EYS: variants seen among roughly 807,000 people sequenced by gnomAD.
EYS encodes EGF-like photoreceptor maintenance factor, also known as protein eyes shut homolog.
A neutral mutation model predicts 282.1 loss-of-function variants in EYS; 250 were observed. The observed-to-expected ratio is 0.89, with a 90% CI of 0.80 to 0.98. The LOEUF is 0.98. Among genes scored for constraint, EYS ranks in the 50% least tolerant of loss-of-function variants. The probability of loss-of-function intolerance (pLI) is 0.00; values close to 1 mark genes in which losing one functional copy is unlikely to be tolerated. For synonymous variants in EYS, 1,355 were observed against 1,282.9 expected (o/e 1.06, Z -1.20); for missense variants, 4,016 against 3,709.0 (o/e 1.08, Z -2.15).
At chr6:64,894,881 T>C (rs1468060813) in intron 18 of EYS, among the ~76,000 whole-genome samples, 1 of 152,152 alleles carries the variant, frequency 6.6e-6, no homozygotes, top group East Asian at 1.9e-4. Context: ...ATTTTGTTTT[T>C]TTTTACCCAC....
chr6:64,106,229 A>C (rs1174633525), intron 31 of EYS, among the ~76,000 whole-genome samples: 2 of 151,954 alleles, frequency 1.3e-5, no homozygotes, highest in Non-Finnish European at 2.9e-5. Flanking sequence ...ACTTTTTTTA[A>C]AAAAACTTTT....
intron 12 of EYS, among the ~76,000 whole-genome samples, chr6:65,195,687 C>A (rs1388010507): frequency 6.6e-6 from 1 of 151,940 alleles, no homozygotes; most frequent in African/African-American, 2.4e-5. Context: ...AGCAATTTTT[C>A]ATTTTACTTG....
intron 22 of EYS, among the ~76,000 whole-genome samples, chr6:64,731,554 G>A (rs1771967490): frequency 1.3e-5 from 2 of 152,042 alleles, no homozygotes; most frequent in African/African-American, 4.8e-5. Flanking sequence ...ACAAACATAT[G>A]AAAAAAAGCT....
chr6:64,396,068 AT>A (rs1773363469), intron 28 of EYS, among the ~76,000 whole-genome samples: 1 of 152,098 alleles, frequency 6.6e-6, no homozygotes, highest in South Asian at 2.1e-4. Context: ...ATGCACACAC[AT>A]GCACAGACAC....
intron 1 of EYS, among the ~76,000 whole-genome samples, chr6:65,644,097 T>A (rs1029870584): frequency 6.6e-6 from 1 of 151,906 alleles, no homozygotes; most frequent in East Asian, 1.9e-4. Flanking sequence ...CAGAAAAAAA[T>A]TCAGAAGGTT....
chr6:64,314,500 A>G (rs757313660), intron 29 of EYS, among the ~76,000 whole-genome samples: 3 of 151,504 alleles, frequency 2.0e-5, no homozygotes, highest in Non-Finnish European at 4.4e-5. Flanking sequence ...GCACCACATC[A>G]CACTTATTCT....
At chr6:65,422,248 T>C (rs941601392) in intron 5 of EYS, among the ~76,000 whole-genome samples, 7 of 151,902 alleles carry the variant, frequency 4.6e-5, no homozygotes, top group African/African-American at 1.7e-4. Context: ...TTTTAGAGCA[T>C]GGAAAATAAA....
At chr6:64,050,087 A>T (rs1025048252) in intron 33 of EYS, among the ~76,000 whole-genome samples, 10 of 152,302 alleles carry the variant, frequency 6.6e-5, no homozygotes, top group African/African-American at 2.4e-4. Context: ...AACACTTTTT[A>T]AAACATGTTA....
At chr6:65,129,546 A>G (rs1418408568) in intron 12 of EYS, among the ~76,000 whole-genome samples, 6 of 152,106 alleles carry the variant, frequency 3.9e-5, no homozygotes, top group Non-Finnish European at 7.4e-5. Context: ...CTAGTAGCCA[A>G]CAAACATAAA....
At chr6:64,366,229 C>T (rs569361192) in intron 29 of EYS, among the ~76,000 whole-genome samples, 56 of 152,100 alleles carry the variant, frequency 3.7e-4, no homozygotes, top group Non-Finnish European at 5.4e-4. Flanking sequence ...TTTTAGGACT[C>T]CCCAAATAGT....
chr6:64,137,229 G>A (rs796671162), intron 31 of EYS, among the ~76,000 whole-genome samples: 15 of 152,020 alleles, frequency 9.9e-5, no homozygotes, highest in South Asian at 6.2e-4. Flanking sequence ...AGAGTTAGGC[G>A]TTGCTCTGGA....
chr6:63,994,075 A>G (rs1021909737), intron 34 of EYS, among the ~76,000 whole-genome samples: 26 of 152,122 alleles, frequency 1.7e-4, no homozygotes, highest in Admixed American at 1.5e-3. Context: ...AAAACTGGCT[A>G]TTCACATGCA....
rs904942366 is a variant in EYS at position 64,812,221 on chromosome 6, G to A, written c.3443+1157C>T. On this transcript the variant is annotated intron_variant, in intron 22 of 42. Transcript: ENST00000503581. ...AAAGTATGTTCAAAACACAAGATAC[G>A]AGAAAGAAGGATTTAAAATACACAC... 1.2e-4 allele frequency among the ~76,000 whole-genome samples: 18 copies of A among 146,068 alleles called. No homozygotes were observed. In the South Asian group the frequency reaches 3.1e-3, roughly 25 times the overall value.
At chr6:65,589,759 T>A (rs77280686) in intron 2 of EYS, among the ~76,000 whole-genome samples, 2,347 of 152,070 alleles carry the variant, frequency 0.015, 58 homozygotes, top group African/African-American at 0.054. Context: ...AAACACTTTC[T>A]CTGAATGTAG....
intron 29 of EYS, among the ~76,000 whole-genome samples, chr6:64,337,295 G>A (rs576212732): frequency 6.6e-6 from 1 of 151,950 alleles, no homozygotes. Context: ...AGAAATGGGA[G>A]ATACTACAAC....
chr6:63,936,740 T>C (rs1562104036), intron 35 of EYS, among the ~76,000 whole-genome samples: 1 of 152,234 alleles, frequency 6.6e-6, no homozygotes, highest in Non-Finnish European at 1.5e-5. Context: ...AACAAGCTTT[T>C]AATGCTACTA....
At chr6:63,791,802 A>G (rs16894562) in intron 37 of EYS, among the ~76,000 whole-genome samples, 13,935 of 152,194 alleles carry the variant, frequency 0.092, 697 homozygotes, top group East Asian at 0.16. Context: ...AGAATCTTCT[A>G]GTAATGTTGA....
At chr6:64,195,786 T>C (rs1018312564) in intron 31 of EYS, among the ~76,000 whole-genome samples, 1 of 152,158 alleles carries the variant, frequency 6.6e-6, no homozygotes, top group Non-Finnish European at 1.5e-5. Context: ...TCTCAGTGTA[T>C]TAAAATTTAA....
chr6:64,336,566 T>C (rs1038740784), intron 29 of EYS, among the ~76,000 whole-genome samples: 3 of 152,090 alleles, frequency 2.0e-5, no homozygotes, highest in Non-Finnish European at 4.4e-5. Context: ...AGACAGGTCA[T>C]CAAGACAGAA....
Sources: allele counts gnomAD v4.1 joint callset (sites outside exome capture counted in the v4.1 genomes callset), GRCh38; gene constraint gnomAD v4.1.1; transcripts MANE v1.5; gene names NCBI Gene and HGNC (gene_info 2026-07-23, HGNC 2026-07-21).